Variants in ECE1 observed in about 807,000 individuals in gnomAD.
ECE1 encodes endothelin-converting enzyme 1.
A neutral mutation model predicts 98.6 loss-of-function variants in ECE1; 35 were observed. The observed-to-expected ratio is 0.35, with a 90% confidence interval of 0.27 to 0.47. The LOEUF (loss-of-function observed/expected upper bound fraction) is 0.47. Ranked by LOEUF, ECE1 falls within the 20% of genes least tolerant of loss-of-function variation. The probability of loss-of-function intolerance (pLI) is 1.00; values close to 1 mark genes in which losing one functional copy is unlikely to be tolerated. For synonymous variants in ECE1, 394 were observed against 407.1 expected (o/e 0.97, Z 0.39); for missense variants, 814 against 1,025.3 (o/e 0.79, Z 2.81).
rs773930604 is a variant in ECE1, at chr1:21,235,378, C to T, written c.1566+472G>A. On this transcript the variant is annotated intron_variant, in intron 13 of 18. Transcript: ENST00000374893. The surrounding 1 kb of genome is among the most constrained non-coding windows in gnomAD (Gnocchi z 4.2). ...CATTTCAAAGTCAAAATCAGAGGTC[C>T]GGGTTTCTGGGGAGGTGGAGGAGGG... Among the ~76,000 whole-genome samples, 28 of 152,068 alleles carry T rather than the reference C, an allele frequency of 1.8e-4. No individual in the cohort carries two copies. The highest frequency in any genetic ancestry group is 3.1e-4 in the Non-Finnish European group (21 of 68,012).
At chr1:21,238,088 C>T (rs2098190619) in intron 11 of ECE1, 46 bp downstream of exon 11, 3 of 1,574,932 alleles carry the variant, frequency 1.9e-6, no homozygotes, top group Non-Finnish European at 2.6e-6. Flanking sequence ...GTGCAGGCCA[C>T]AACAAGTGTG....
intron 4 of ECE1, among the ~76,000 whole-genome samples, chr1:21,264,633 C>G (rs1339069620): frequency 1.3e-5 from 2 of 152,152 alleles, no homozygotes; most frequent in Non-Finnish European, 2.9e-5. Flanking sequence ...TGAAATTGGC[C>G]AGAAGGCTCT....
chr1:21,328,726 G>A (rs982844381), intron 1 of ECE1, among the ~76,000 whole-genome samples: 3 of 134,832 alleles, frequency 2.2e-5, no homozygotes, highest in Admixed American at 8.2e-5. Context: ...TCACTCCACT[G>A]TACTCCAGCC....
chr1:21,263,426 G>A (rs1335762126), intron 4 of ECE1, among the ~76,000 whole-genome samples: 4 of 151,100 alleles, frequency 2.6e-5, no homozygotes. Flanking sequence ...GCGCAATCTC[G>A]GCTCACTGCA....
In ECE1 at chr1:21,258,115, C is replaced by G. The variant is rs1320227570; in HGVS notation, c.763-525G>C. ...GCACCCATGGCCACATCTTGGCATA[C>G]CTAGGACAGGTGTTATTGCAATCCA... is the stretch of plus-strand genomic sequence containing the variant. On this transcript the variant is annotated intron_variant, in intron 6 of 18. Coordinates refer to ENST00000374893, the MANE Select transcript of ECE1 (RefSeq NM_001397.3). The surrounding 1 kb of genome is among the most constrained non-coding windows in gnomAD (Gnocchi z 4.2). 6.6e-6 allele frequency among the ~76,000 whole-genome samples: 1 copy of G among 152,188 alleles called. No homozygotes were observed. The highest frequency in any genetic ancestry group is 1.5e-5 in the Non-Finnish European group (1 of 68,042).
At position 21,258,119 on chromosome 1, in the gene ECE1, G is replaced by C. The variant is rs2098222242; in HGVS notation, c.763-529C>G. Among the ~76,000 whole-genome samples the C allele has an allele frequency of 6.6e-6, 1 of 152,190 alleles. No individual in the cohort carries two copies. ...CCATGGCCACATCTTGGCATACCTA[G>C]GACAGGTGTTATTGCAATCCATTTG... is the stretch of plus-strand genomic sequence containing the variant. On this transcript the variant is annotated intron_variant, in intron 6 of 18. Transcript: ENST00000374893. This position sits in a 1 kb window ranked among gnomAD's most constrained non-coding sequence, Gnocchi z 4.2.
intron 3 of ECE1, among the ~76,000 whole-genome samples, chr1:21,273,346 C>T (rs866158875): frequency 1.1e-3 from 149 of 133,150 alleles, no homozygotes; most frequent in African/African-American, 1.3e-3. Context: ...TGCGTGTGTG[C>T]GTGTGTGTGT....
intron 10 of ECE1, among the ~76,000 whole-genome samples, chr1:21,240,849 A>C (rs576222979): frequency 6.6e-6 from 1 of 152,320 alleles, no homozygotes; most frequent in Admixed American, 6.5e-5. Context: ...AGACTTTCTT[A>C]TGTGTCGTCT....
chr1:21,277,604 C>A lies in ECE1; in HGVS notation c.280+1587G>T, dbSNP rs28367944. On this transcript the variant is annotated intron_variant, in intron 3 of 18. Coordinates refer to ENST00000374893, the MANE Select transcript of ECE1 (RefSeq NM_001397.3). ...ACACACACACCAGGACACGATCACA[C>A]AATATACATACACTCAGCAGAGAAA... Among the ~76,000 whole-genome samples the A allele has an allele frequency of 3.9e-3, 588 of 152,296 alleles. 6 individuals are homozygous for A. Among genetic ancestry groups the A allele is most frequent in the African/African-American group, 0.013 (551 of 41,558 alleles).
chr1:21,309,215 C>T (rs1288495446), intron 1 of ECE1, among the ~76,000 whole-genome samples: 1 of 152,204 alleles, frequency 6.6e-6, no homozygotes, highest in African/African-American at 2.4e-5. Context: ...CAGAAAGAAC[C>T]CTGGGCTGGA....
At chr1:21,255,028 G>C (rs2098218055) in intron 8 of ECE1, among the ~76,000 whole-genome samples, 1 of 152,174 alleles carries the variant, frequency 6.6e-6, no homozygotes, top group Admixed American at 6.5e-5. Context: ...GTTTCTAGCT[G>C]GTGTCCCCCA....
intron 1 of ECE1, among the ~76,000 whole-genome samples, chr1:21,321,739 C>T (rs2103402923): frequency 6.6e-6 from 1 of 152,250 alleles, no homozygotes; most frequent in African/African-American, 2.4e-5. Context: ...CCTCAGTCTC[C>T]GAAGTAGCTG....
Position 21,345,309 on chromosome 1 carries a change from C to G in ECE1, c.3+67G>C. 7.5e-7 allele frequency: 1 copy of G among 1,331,948 alleles called. No individual in the cohort carries two copies. Among genetic ancestry groups the G allele is most frequent in the Non-Finnish European group, 9.7e-7 (1 of 1,033,398 alleles). The allele number at this position is 1,331,948 out of a possible 1,614,324, so 82.5% of individuals were successfully genotyped here. ...CCAGGGCGGCCCCGGGTGCCACCCG[C>G]GGCACCGCTGCCCGCGACCGTCGAG... On this transcript the variant is annotated intron_variant, in intron 1 of 18. Transcript: ENST00000415912. The surrounding 1 kb of genome is among the most constrained non-coding windows in gnomAD (Gnocchi z 5.1).
intron 9 of ECE1, among the ~76,000 whole-genome samples, chr1:21,246,254 C>G (rs1438870161): frequency 6.6e-6 from 1 of 151,612 alleles, no homozygotes; most frequent in Non-Finnish European, 1.5e-5. Context: ...AATCCTAGCT[C>G]TTTGGGAGGC....
intron 17 of ECE1, among the ~76,000 whole-genome samples, chr1:21,223,277 CTT>C (rs944365804): frequency 8.0e-5 from 12 of 150,646 alleles, no homozygotes; most frequent in African/African-American, 1.2e-4. Context: ...CCAGAGGACT[CTT>C]GTTTTATTTT....
Position 21,345,185 on chromosome 1 carries a change from G to T in ECE1, c.3+191C>A. The T allele has an allele frequency of 2.7e-6, 2 of 729,182 alleles. No individual in the cohort carries two copies. Among genetic ancestry groups the T allele is most frequent in the Non-Finnish European group, 3.6e-6 (2 of 561,616 alleles). 45.2% of individuals were successfully genotyped at this position (729,182 alleles called of 1,614,324 possible). ...CCCCGACGGGACCAAGCGCAGCGCC[G>T]CCGGGAGAGCCGCGCTCTGCCCGGG... On this transcript the variant is annotated intron_variant, in intron 1 of 18. Coordinates refer to the ECE1 transcript ENST00000415912. This position sits in a 1 kb window ranked among gnomAD's most constrained non-coding sequence, Gnocchi z 5.1.
At chr1:21,226,600 G>A (rs903343832) in intron 16 of ECE1, among the ~76,000 whole-genome samples, 1 of 152,204 alleles carries the variant, frequency 6.6e-6, no homozygotes, top group African/African-American at 2.4e-5. Context: ...CATAATCATA[G>A]TTCACTGTAG....
chr1:21,225,209 C>A lies in ECE1; in HGVS notation c.2040+41G>T. 1 of 1,608,892 alleles carries A rather than the reference C, an allele frequency of 6.2e-7. No homozygotes were observed. Among genetic ancestry groups the A allele is most frequent in the South Asian group, 1.1e-5 (1 of 90,942 alleles). On this transcript the variant is annotated intron_variant, in intron 17 of 18. Coordinates refer to ENST00000374893, the MANE Select transcript of ECE1 (RefSeq NM_001397.3). This position sits in a 1 kb window ranked among gnomAD's most constrained non-coding sequence, Gnocchi z 5.3. ...CTACGGACAGGCATCTGGAAGGAGC[C>A]AGCACTGGGACCGTGCGCGTGTGGG...
intron 2 of ECE1, chr1:21,279,633 C>G (rs770118136): frequency 1.4e-6 from 2 of 1,424,564 alleles, no homozygotes; most frequent in East Asian, 5.0e-5. Flanking sequence ...CCCTGTTTCT[C>G]CAGTGAGGAG....
Sources: gnomAD v4.1 joint callset for allele counts (sites outside exome capture counted in the v4.1 genomes callset) on GRCh38, gnomAD v4.1.1 for gene constraint, Gnocchi (gnomAD v3.1) non-coding constraint, MANE v1.5 for transcripts, NCBI Gene and HGNC (gene_info 2026-07-23, HGNC 2026-07-21) for gene names.